The following NBAS variants were observed in gnomAD, a reference collection of about 807,000 sequenced individuals.
NBAS encodes the protein NBAS subunit of NRZ tethering complex, also known as NAG/BC035112 fusion.
In NBAS, 219 loss-of-function variants were observed where a neutral mutation model predicts 302.5. The ratio of observed to expected loss-of-function variants is 0.72; its 90% CI spans 0.65 to 0.81. The LOEUF (loss-of-function observed/expected upper bound fraction) is 0.81, where lower values mean the gene tolerates loss of function less well. Among genes scored for constraint, NBAS ranks in the 30% least tolerant of loss-of-function variants. The probability of loss-of-function intolerance (pLI) is 0.00; values close to 1 mark genes in which losing one functional copy is unlikely to be tolerated. For synonymous variants in NBAS, 1,118 were observed against 1,021.6 expected (o/e 1.09, Z -1.80); for missense variants, 2,932 against 2,841.6 (o/e 1.03, Z -0.72).
At chr2:15,234,911 A>T (rs1002702434) in intron 45 of NBAS, among the ~76,000 whole-genome samples, 164 bp from the exon 46 acceptor site, 4 of 152,192 alleles carry the variant, frequency 2.6e-5, no homozygotes, top group Non-Finnish European at 4.4e-5. Flanking sequence ...AGGCTCAAGG[A>T]TCACCCACAT....
At chr2:15,121,740 T>G in the NBAS span, among the ~76,000 whole-genome samples, 1 of 152,068 alleles carries the variant, frequency 6.6e-6, no homozygotes, top group Non-Finnish European at 1.5e-5. Context: ...ATTTTTTTTT[T>G]TTTTGCCCGT....
intron 9 of NBAS, among the ~76,000 whole-genome samples, chr2:15,532,117 T>C (rs1006170100): frequency 1.3e-5 from 2 of 152,122 alleles, no homozygotes; most frequent in African/African-American, 4.8e-5. Context: ...TCATGAAATA[T>C]GGAAAATCAT....
At chr2:15,258,045 AT>A (rs1396065141) in intron 44 of NBAS, among the ~76,000 whole-genome samples, 2 of 152,244 alleles carry the variant, frequency 1.3e-5, no homozygotes, top group Non-Finnish European at 2.9e-5. Flanking sequence ...TATCAAAAAA[AT>A]AAATCAATGT....
At chr2:15,454,415 T>G (rs1679156845) in intron 21 of NBAS, among the ~76,000 whole-genome samples, 1 of 151,824 alleles carries the variant, frequency 6.6e-6, no homozygotes, top group Non-Finnish European at 1.5e-5. Flanking sequence ...AAAAAAAAAC[T>G]GTTAAATCCA....
At chr2:15,253,938 A>G (rs1446686222) in intron 44 of NBAS, among the ~76,000 whole-genome samples, 1 of 152,206 alleles carries the variant, frequency 6.6e-6, no homozygotes, top group Admixed American at 6.5e-5. Flanking sequence ...AAATGATAAC[A>G]GCCCTTGCCC....
intron 25 of NBAS, among the ~76,000 whole-genome samples, chr2:15,403,018 T>C (rs1366818194): frequency 2.0e-5 from 3 of 152,138 alleles, no homozygotes; most frequent in African/African-American, 7.2e-5. Flanking sequence ...TTAATAAATA[T>C]AGAATGAAAA....
intron 40 of NBAS, among the ~76,000 whole-genome samples, chr2:15,300,685 G>T (rs567154740): frequency 1.3e-5 from 2 of 152,280 alleles, no homozygotes; most frequent in African/African-American, 4.8e-5. Flanking sequence ...GGAAGCAAGA[G>T]AATTCCTGTC....
the NBAS span, among the ~76,000 whole-genome samples, chr2:14,938,963 C>T: frequency 6.6e-6 from 1 of 152,226 alleles, no homozygotes; most frequent in Non-Finnish European, 1.5e-5. Context: ...GGTCTCTCTT[C>T]ACTGTTAATT....
intron 44 of NBAS, among the ~76,000 whole-genome samples, chr2:15,238,922 T>G (rs780991339): frequency 1.1e-4 from 17 of 152,122 alleles, no homozygotes; most frequent in Non-Finnish European, 2.2e-4. Context: ...GCAGGTAAAG[T>G]GATGAAACTA....
chr2:14,792,920 C>A, the NBAS span, among the ~76,000 whole-genome samples: 1 of 152,112 alleles, frequency 6.6e-6, no homozygotes, highest in Non-Finnish European at 1.5e-5. Context: ...AGTCCTAACC[C>A]CCAATGTGAC....
chr2:14,802,760 A>T, the NBAS span, among the ~76,000 whole-genome samples: 1 of 146,792 alleles, frequency 6.8e-6, no homozygotes, highest in African/African-American at 2.6e-5. Context: ...GAAATTGGAA[A>T]TCATCATTCT....
At chr2:15,143,963 T>G in the NBAS span, among the ~76,000 whole-genome samples, 1 of 150,150 alleles carries the variant, frequency 6.7e-6, no homozygotes, top group East Asian at 2.0e-4. Context: ...GGGCTCTCCT[T>G]GCTCCTCAGA....
the NBAS span, among the ~76,000 whole-genome samples, chr2:15,050,898 G>A: frequency 6.6e-6 from 1 of 152,098 alleles, no homozygotes; most frequent in Non-Finnish European, 1.5e-5. Context: ...GAAGGAGGGA[G>A]AGAATGATAG....
At chr2:14,782,027 C>G in the NBAS span, among the ~76,000 whole-genome samples, 1 of 152,174 alleles carries the variant, frequency 6.6e-6, no homozygotes, top group Admixed American at 6.5e-5. Flanking sequence ...AGGCTGTGTA[C>G]TGTTACTGAA....
intron 9 of NBAS, among the ~76,000 whole-genome samples, chr2:15,512,306 C>A (rs149370582): frequency 2.0e-5 from 3 of 152,074 alleles, no homozygotes; most frequent in African/African-American, 7.3e-5. Flanking sequence ...GCTCTCAATA[C>A]GGACCCTTCA....
intron 44 of NBAS, among the ~76,000 whole-genome samples, chr2:15,244,215 G>A (rs908464885): frequency 6.6e-6 from 1 of 152,164 alleles, no homozygotes; most frequent in African/African-American, 2.4e-5. Flanking sequence ...GAATTTCTGA[G>A]ATAGTGATGC....
intron 6 of NBAS, among the ~76,000 whole-genome samples, chr2:15,543,625 CAA>C (rs1432277578): frequency 6.6e-6 from 1 of 152,158 alleles, no homozygotes; most frequent in Non-Finnish European, 1.5e-5. Flanking sequence ...TGGCCTCAGG[CAA>C]AGAGAATGAG....
chr2:14,926,044 G>T, the NBAS span, among the ~76,000 whole-genome samples: 1 of 152,166 alleles, frequency 6.6e-6, no homozygotes, highest in African/African-American at 2.4e-5. Context: ...GAAAGGATAC[G>T]CTGCCTTCCT....
chr2:15,302,316 T>G (rs901657900), intron 40 of NBAS, among the ~76,000 whole-genome samples: 1 of 152,230 alleles, frequency 6.6e-6, no homozygotes, highest in Non-Finnish European at 1.5e-5. Context: ...CCTGGAGAAC[T>G]AGCTGACTCA....
Sources: gnomAD v4.1 joint callset for allele counts (sites outside exome capture counted in the v4.1 genomes callset) on GRCh38, gnomAD v4.1.1 for gene constraint, MANE v1.5 for transcripts, NCBI Gene and HGNC (gene_info 2026-07-23, HGNC 2026-07-21) for gene names.